Variants in POFUT3 observed in about 807,000 individuals in gnomAD.
POFUT3 encodes the protein protein O-fucosyltransferase 3, also known as GDP-fucose protein O-fucosyltransferase 3.
At chr8:33,367,642 A>T in the POFUT3 span, among the ~76,000 whole-genome samples, 1 of 152,200 alleles carries the variant, frequency 6.6e-6, no homozygotes, top group Non-Finnish European at 1.5e-5. Flanking sequence ...AATAAAAGAC[A>T]TGCACTTAAA....
chr8:33,360,672 G>C, the POFUT3 span, among the ~76,000 whole-genome samples: 1 of 152,024 alleles, frequency 6.6e-6, no homozygotes, highest in Non-Finnish European at 1.5e-5. Flanking sequence ...CCCCAACTTG[G>C]ATGATAAATT....
the POFUT3 span, among the ~76,000 whole-genome samples, chr8:33,336,565 G>A: frequency 6.6e-6 from 1 of 152,154 alleles, no homozygotes; most frequent in Non-Finnish European, 1.5e-5. Context: ...GGAAACCACT[G>A]GGTCTGTTGG....
At chr8:33,381,741 G>C in the POFUT3 span, among the ~76,000 whole-genome samples, 1 of 152,196 alleles carries the variant, frequency 6.6e-6, no homozygotes, top group Non-Finnish European at 1.5e-5. Flanking sequence ...TGTGGCGGTA[G>C]TACTAACAGC....
At chr8:33,453,188 A>G in the POFUT3 span, 8 of 1,605,228 alleles carry the variant, frequency 5.0e-6, no homozygotes, top group Non-Finnish European at 6.8e-6. Context: ...CACAGCAAAC[A>G]AGGGAGAAAG....
At chr8:33,431,547 CAAAAAAAAAAAAAAAAAAAAAAAA>C in the POFUT3 span, among the ~76,000 whole-genome samples, 6 of 35,038 alleles carry the variant, frequency 1.7e-4, no homozygotes, top group South Asian at 2.0e-3. Flanking sequence ...GACCCTGTCT[CAAAAAAAAAAAAAAAAAAAAAAAA>C]AAAAAAAAAA....
chr8:33,386,723 TG>T, the POFUT3 span, among the ~76,000 whole-genome samples: 1 of 152,048 alleles, frequency 6.6e-6, no homozygotes, highest in Non-Finnish European at 1.5e-5. Flanking sequence ...AGCAGGAGAA[TG>T]GCGTGAACCC....
the POFUT3 span, chr8:33,377,675 G>A: frequency 6.6e-6 from 1 of 152,204 alleles, no homozygotes; most frequent in Non-Finnish European, 1.5e-5. Context: ...CAAAGGAAGT[G>A]TGTCTGATGA....
chr8:33,309,399 C>T, the POFUT3 span, among the ~76,000 whole-genome samples: 5 of 145,012 alleles, frequency 3.4e-5, no homozygotes, highest in South Asian at 4.6e-4. Context: ...GTGCGTCTTC[C>T]GCACAAAACA....
chr8:33,377,952 G>C, the POFUT3 span, among the ~76,000 whole-genome samples: 1 of 152,338 alleles, frequency 6.6e-6, no homozygotes, highest in Admixed American at 6.5e-5. Flanking sequence ...ACACAGGAGA[G>C]AGAGGTGATC....
At chr8:33,389,370 T>C in the POFUT3 span, 1 of 1,614,204 alleles carries the variant, frequency 6.2e-7, no homozygotes, top group Admixed American at 1.7e-5. Context: ...GCAATGATCC[T>C]ATAAAAGCCA....
the POFUT3 span, among the ~76,000 whole-genome samples, chr8:33,400,955 C>T: frequency 1.3e-5 from 2 of 152,022 alleles, no homozygotes; most frequent in Admixed American, 1.3e-4. Flanking sequence ...ACCAACTAGA[C>T]TCATATTCTT....
the POFUT3 span, among the ~76,000 whole-genome samples, chr8:33,422,413 G>A: frequency 1.3e-5 from 2 of 151,634 alleles, no homozygotes; most frequent in Non-Finnish European, 2.9e-5. Flanking sequence ...GTGGTGGTGG[G>A]GGGTGCCTAT....
At chr8:33,342,529 A>T in the POFUT3 span, among the ~76,000 whole-genome samples, 36 of 152,302 alleles carry the variant, frequency 2.4e-4, no homozygotes, top group African/African-American at 8.7e-4. Flanking sequence ...TTCACAGAAG[A>T]TATACAGACA....
the POFUT3 span, among the ~76,000 whole-genome samples, chr8:33,379,493 G>C: frequency 6.6e-6 from 1 of 152,054 alleles, no homozygotes; most frequent in East Asian, 1.9e-4. Flanking sequence ...AAATGACTCA[G>C]ATGTTGGAAC....
the POFUT3 span, among the ~76,000 whole-genome samples, chr8:33,332,197 A>C: frequency 6.7e-6 from 1 of 148,804 alleles, no homozygotes; most frequent in Non-Finnish European, 1.5e-5. Flanking sequence ...AAAAAAAAAA[A>C]ACGAAGCCAG....
At chr8:33,419,791 C>A in the POFUT3 span, among the ~76,000 whole-genome samples, 1 of 152,110 alleles carries the variant, frequency 6.6e-6, no homozygotes, top group African/African-American at 2.4e-5. Flanking sequence ...TATGTTAGGT[C>A]ATTTATTTAA....
chr8:33,449,935 C>CTTTTT, the POFUT3 span, among the ~76,000 whole-genome samples: 21 of 112,340 alleles, frequency 1.9e-4, no homozygotes, highest in Non-Finnish European at 2.7e-4. Context: ...TGAAGCTTTT[C>CTTTTT]TTTTTTTTTT....
the POFUT3 span, chr8:33,361,326 G>A: frequency 6.6e-6 from 1 of 152,028 alleles, no homozygotes; most frequent in Non-Finnish European, 1.5e-5. Flanking sequence ...AATAAACACT[G>A]GTATAAAAAT....
the POFUT3 span, among the ~76,000 whole-genome samples, chr8:33,380,148 C>CACTATATATATATACTATATATAT: frequency 2.7e-5 from 1 of 36,524 alleles, no homozygotes; most frequent in Non-Finnish European, 4.1e-5. Flanking sequence ...TATATATATA[C>CACTATATATATATACTATATATAT]ACTATATATA....
Sources: allele counts gnomAD v4.1 joint callset (sites outside exome capture counted in the v4.1 genomes callset), GRCh38; gene constraint gnomAD v4.1.1; transcripts MANE v1.5; gene names NCBI Gene and HGNC (gene_info 2026-07-23, HGNC 2026-07-21).